Variants in DDX47 observed in about 807,000 individuals in gnomAD.
DDX47 encodes probable ATP-dependent RNA helicase DDX47.
A neutral mutation model predicts 58.8 loss-of-function variants in DDX47; 60 were observed. That is an observed-to-expected ratio of 1.02 (90% CI 0.83 to 1.26). The LOEUF is 1.26. Among genes scored for constraint, DDX47 ranks in the 50% most tolerant of loss-of-function variants. The probability of loss-of-function intolerance (pLI) is 0.00; values close to 1 mark genes in which losing one functional copy is unlikely to be tolerated. For synonymous variants in DDX47, 197 were observed against 204.6 expected, an observed-to-expected ratio of 0.96 and a Z score of 0.32; for missense variants, 530 against 573.2, an observed-to-expected ratio of 0.92 and a Z score of 0.77.
In DDX47 at chr12:12,821,994, G is replaced by A. The variant is rs1334210891; in HGVS notation, c.472G>A (p.Glu158Lys). The A allele has an allele frequency of 3.1e-6, 5 of 1,613,758 alleles. No homozygotes were observed. The change falls in exon 5 of 12, where the codon GAA becomes AAA. Residue 158 changes from glutamate (E) to lysine (K), a missense_variant. Transcript: ENST00000358007. ...ATPGRLIDHL[E>K]NTKGFNLRAL... is the part of the protein sequence containing the mutation. ...TCCTGGTCGACTGATTGACCACTTG[G>A]AAAATACGAAAGGTTTCAACTTGAG...
chr12:12,814,237 A>G lies in DDX47; in HGVS notation c.181+13A>G, dbSNP rs1862862175. On this transcript the variant is annotated intron_variant, in intron 2 of 11. Coordinates refer to ENST00000358007, the MANE Select transcript of DDX47 (RefSeq NM_016355.4). The stretch of plus-strand genomic sequence containing the variant: ...TTGGCCTTACAAGGTAGGTTGTATG[A>G]CTTCGTACAGATTTAATATAAAGTT... 6.6e-7 allele frequency: 1 copy of G among 1,512,668 alleles called. No homozygotes were observed. The highest frequency in any genetic ancestry group is 9.2e-7 in the Non-Finnish European group (1 of 1,088,114). The allele number at this position is 1,512,668 out of a possible 1,614,324, so 93.7% of individuals were successfully genotyped here. A position where few individuals can be genotyped will look rare whatever the true frequency, so the allele number is the denominator to read the frequency against.
At position 12,824,024 on chromosome 12, in the gene DDX47, TTCA is replaced by T. The variant is rs779487921; in HGVS notation, c.897+21_897+23del. ...CATGGACAAATGAGTCAGGTAAGGATTCATCATCATCATCAGCCATGCACTGGT... is the reference window on the plus strand; with the variant it reads ...CATGGACAAATGAGTCAGGTAAGGATTCATCATCATCAGCCATGCACTGGT... On this transcript the variant is annotated intron_variant, in intron 8 of 11. Coordinates refer to ENST00000358007, the MANE Select transcript of DDX47 (RefSeq NM_016355.4). 16 of 1,612,000 alleles carry T rather than the reference TTCA, an allele frequency of 9.9e-6. No individual in the cohort carries two copies. The highest frequency in any genetic ancestry group is 8.9e-5 in the East Asian group (4 of 44,858).
At chr12:12,822,173 A>G (rs1180454003) in intron 5 of DDX47, 90 bp downstream of exon 5, 2 of 774,968 alleles carry the variant, frequency 2.6e-6, no homozygotes, top group Non-Finnish European at 4.5e-6. Flanking sequence ...CATGTAGAAC[A>G]TTGCATTAGT....
At chr12:12,816,874 G>A (rs1222280705) in intron 2 of DDX47, among the ~76,000 whole-genome samples, 1 of 152,194 alleles carries the variant, frequency 6.6e-6, no homozygotes, top group Non-Finnish European at 1.5e-5. Context: ...GCCCTACAGT[G>A]TAGGTGAGAA....
intron 5 of DDX47, 28 bp downstream of exon 5, chr12:12,822,111 T>C (rs1250031270): frequency 6.6e-7 from 1 of 1,514,368 alleles, no homozygotes. Context: ...TTCCTCCTCT[T>C]AGAGCATCTC....
intron 1 of DDX47, among the ~76,000 whole-genome samples, chr12:12,813,752 C>T (rs1372069535): frequency 2.0e-5 from 3 of 152,176 alleles, no homozygotes; most frequent in South Asian, 2.1e-4. Context: ...ATAACTGGAG[C>T]TTTGGAGTCA....
Position 12,821,203 on chromosome 12 carries a change from T to A in DDX47, c.182-5T>A. On this transcript the variant is annotated splice_polypyrimidine_tract_variant and splice_region_variant and intron_variant, in intron 2 of 11. Transcript: ENST00000358007. ...ACTTGGCTGTTGAATTTCTTTTTCT[T>A]TTAGGTCGTGATATCATTGGGCTTG... 1 of 1,613,956 alleles carries A rather than the reference T, an allele frequency of 6.2e-7. No homozygotes were observed. The highest frequency in any genetic ancestry group is 8.5e-7 in the Non-Finnish European group (1 of 1,179,960).
At chr12:12,825,124 A>G (rs6488558) in intron 9 of DDX47, 90,628 of 153,218 alleles carry the variant, frequency 0.59, 27,056 homozygotes, top group East Asian at 0.77. Context: ...ACAGGCGCCC[A>G]CCACCACGCC....
At chr12:12,824,880 G>A in intron 9 of DDX47, 1 of 483,894 alleles carries the variant, frequency 2.1e-6, no homozygotes, top group Non-Finnish European at 3.6e-6. Flanking sequence ...AGGTAGCCAA[G>A]GAGAGTTATT....
chr12:12,814,248 A>T (rs764050449), intron 2 of DDX47, 24 bp downstream of exon 2: 11 of 1,426,270 alleles, frequency 7.7e-6, no homozygotes, highest in Non-Finnish European at 1.1e-5. Context: ...CTTCGTACAG[A>T]TTTAATATAA....
In DDX47 at chr12:12,827,319, G is replaced by C. The variant is rs1863066843; in HGVS notation, c.1180G>C (p.Asp394His). The C allele has an allele frequency of 1.9e-6, 3 of 1,614,176 alleles. No individual in the cohort carries two copies. Among genetic ancestry groups the C allele is most frequent in the East Asian group, 2.2e-5 (1 of 44,884 alleles). Residue 394 changes from aspartate to histidine, a missense_variant, in exon 11 of 12, where the codon GAT becomes CAT. By Grantham distance (81) the Asp-to-His change is moderately conservative. Coordinates refer to ENST00000358007, the MANE Select transcript of DDX47 (RefSeq NM_016355.4). The part of the protein sequence containing the change: ...KKLPGFPTQD[D>H]EVMMLTERVA... The stretch of plus-strand genomic sequence containing the variant: ...ACTACCAGGTTTTCCAACACAGGAT[G>C]ATGAGGTTATGATGCTGACAGAACG...
At chr12:12,824,966 T>G (rs1863028639) in intron 9 of DDX47, 1 of 244,190 alleles carries the variant, frequency 4.1e-6, no homozygotes, top group Non-Finnish European at 7.8e-6. Flanking sequence ...CAGCTTGTAG[T>G]TTTTTTGAGG....
At position 12,824,549 on chromosome 12, in the gene DDX47, C is replaced by T. The variant is rs190667675; in HGVS notation, c.907C>T (p.Leu303=). 8.7e-6 allele frequency: 14 copies of T among 1,611,626 alleles called. No individual in the cohort carries two copies. The African/African-American group carries it at 1.1e-4, about 12-fold the overall frequency. ...LHGQMSQSKR[L]GSLNKFKAKA... ...TTTTTCATTACCTCAGAGTAAGCGC[C>T]TAGGATCCCTTAATAAGTTTAAGGC... The change falls in exon 9 of 12, where the codon CTA becomes TTA. Residue 303 remains leucine, a synonymous_variant. Coordinates refer to ENST00000358007, the MANE Select transcript of DDX47 (RefSeq NM_016355.4).
At position 12,827,878 on chromosome 12, in the gene DDX47, T is replaced by TTC. The variant is rs1555097764; in HGVS notation, c.1236+504_1236+505insCT. Among the ~76,000 whole-genome samples the TTC allele has an allele frequency of 1.2e-4, 16 of 134,684 alleles. No individual in the cohort carries two copies. The South Asian group carries it at 4.0e-3, about 34-fold the overall frequency. 88.4% of individuals were successfully genotyped at this position (134,684 alleles called of 152,430 possible). A position where few individuals can be genotyped will look rare whatever the true frequency, so the allele number is the denominator to read the frequency against. ...AAGATCCAAAACTTTTCTTTTTTCT[T>TTC]TTTTTTTTTTTTTTTGAGATGGAGT... On this transcript the variant is annotated intron_variant, in intron 11 of 11. Coordinates refer to ENST00000358007, the MANE Select transcript of DDX47 (RefSeq NM_016355.4).
In DDX47 at chr12:12,821,269, C is replaced by A; in HGVS notation, c.243C>A (p.Pro81=). ...GAAAGACAGGCGCCTTTGCTTTGCC[C>A]ATTCTAAACGCACTGCTGGAGACCC... ...GSGKTGAFAL[P]ILNALLETPQ... Residue 81 remains proline, a synonymous_variant, in exon 3 of 12, where the codon CCC becomes CCA. Coordinates refer to ENST00000358007, the MANE Select transcript of DDX47 (RefSeq NM_016355.4). 7 of 1,614,202 alleles carry A rather than the reference C, an allele frequency of 4.3e-6. No homozygotes were observed. The highest frequency in any genetic ancestry group is 5.9e-6 in the Non-Finnish European group (7 of 1,180,040).
chr12:12,824,981 G>T (rs1452386403), intron 9 of DDX47: 1 of 213,004 alleles, frequency 4.7e-6, no homozygotes, highest in African/African-American at 2.3e-5. Context: ...TTGAGGCGGA[G>T]TCTCGCTCTG....
At position 12,821,278 on chromosome 12, in the gene DDX47, C is replaced by T. The variant is rs144831393; in HGVS notation, c.252C>T (p.Asn84=). ...GCGCCTTTGCTTTGCCCATTCTAAA[C>T]GCACTGCTGGAGACCCCGCAGCGTT... ...KTGAFALPIL[N]ALLETPQRLF... The change falls in exon 3 of 12, where the codon AAC becomes AAT. Residue 84 remains asparagine (N), a synonymous_variant. Coordinates refer to ENST00000358007, the MANE Select transcript of DDX47 (RefSeq NM_016355.4). 168 of 1,614,170 alleles carry T rather than the reference C, an allele frequency of 1.0e-4. No homozygotes were observed. The African/African-American group carries it at 1.3e-3, about 12-fold the overall frequency.
intron 2 of DDX47, 43 bp from the exon 3 acceptor site, chr12:12,821,165 G>A (rs182948227): frequency 6.3e-7 from 1 of 1,591,698 alleles, no homozygotes. Flanking sequence ...CACAGAAATA[G>A]CGCAAAGAGA....
chr12:12,817,802 G>A (rs1297906561), intron 2 of DDX47, among the ~76,000 whole-genome samples: 2 of 152,236 alleles, frequency 1.3e-5, no homozygotes, highest in Non-Finnish European at 2.9e-5. Flanking sequence ...TTCACAAACT[G>A]AGGGTTGCTG....
Sources: allele counts gnomAD v4.1 joint callset (sites outside exome capture counted in the v4.1 genomes callset), GRCh38; gene constraint gnomAD v4.1.1; transcripts MANE v1.5; gene names NCBI Gene and HGNC (gene_info 2026-07-23, HGNC 2026-07-21).